Variants in WDPCP observed in about 807,000 individuals in gnomAD.
WDPCP encodes WD repeat containing planar cell polarity effector, also known as WD repeat-containing and planar cell polarity effector protein fritz homolog.
In WDPCP, 71 loss-of-function variants were observed where a neutral mutation model predicts 93.1. The ratio of observed to expected loss-of-function variants is 0.76; its 90% CI spans 0.63 to 0.93. WDPCP has a LOEUF of 0.93. Ranked by LOEUF, WDPCP falls within the 40% of genes least tolerant of loss-of-function variation. The pLI, the probability that WDPCP is intolerant of heterozygous loss-of-function variation, is 0.00. For missense variants in WDPCP, 844 were observed against 887.4 expected, an observed-to-expected ratio of 0.95 and a Z score of 0.62; for synonymous variants, 315 against 315.0, an observed-to-expected ratio of 1.00 and a Z score of 0.00.
intron 13 of WDPCP, among the ~76,000 whole-genome samples, chr2:63,265,550 G>T (rs1477273333): frequency 6.6e-6 from 1 of 152,112 alleles, no homozygotes; most frequent in Non-Finnish European, 1.5e-5. Context: ...GAAAAGCCCA[G>T]GATCTGATGG....
intron 12 of WDPCP, among the ~76,000 whole-genome samples, chr2:63,356,994 C>T (rs6718198): frequency 0.55 from 83,445 of 151,966 alleles, 23,260 homozygotes; most frequent in Admixed American, 0.63. Flanking sequence ...CATCTAACCT[C>T]CAACAAAGGA....
intron 6 of WDPCP, among the ~76,000 whole-genome samples, chr2:63,465,936 T>C (rs906280158): frequency 1.3e-5 from 2 of 152,174 alleles, no homozygotes; most frequent in South Asian, 2.1e-4. Context: ...TGTGTTTTCC[T>C]TGAGACTTTA....
At chr2:63,386,782 C>T (rs752145735) in intron 10 of WDPCP, among the ~76,000 whole-genome samples, 11 of 151,778 alleles carry the variant, frequency 7.2e-5, no homozygotes, top group East Asian at 1.9e-4. Flanking sequence ...ACAAACCAAA[C>T]GTCCATCAAT....
intron 3 of WDPCP, chr2:63,599,965 T>C (rs371923068): frequency 6.6e-6 from 1 of 152,418 alleles, no homozygotes; most frequent in South Asian, 2.1e-4. Flanking sequence ...CAGATCTAAC[T>C]GGTCCTGGTG....
At chr2:63,822,874 T>C (rs1344956620) in intron 1 of WDPCP, among the ~76,000 whole-genome samples, 3 of 150,862 alleles carry the variant, frequency 2.0e-5, no homozygotes, top group Admixed American at 6.6e-5. Context: ...ATATTTGATA[T>C]ATATATTTGG....
At chr2:63,771,849 T>C (rs926403006) in intron 2 of WDPCP, among the ~76,000 whole-genome samples, 1 of 152,072 alleles carries the variant, frequency 6.6e-6, no homozygotes, top group Non-Finnish European at 1.5e-5. Flanking sequence ...TCCAGCTGTA[T>C]CCATGTTGCT....
chr2:63,625,445 A>G (rs1709799402), intron 3 of WDPCP, among the ~76,000 whole-genome samples: 1 of 152,234 alleles, frequency 6.6e-6, no homozygotes, highest in African/African-American at 2.4e-5. Context: ...TCTGAGCCCA[A>G]CGTCTCCTTA....
chr2:63,761,219 A>C (rs1670050553), intron 2 of WDPCP, among the ~76,000 whole-genome samples: 1 of 152,102 alleles, frequency 6.6e-6, no homozygotes, highest in South Asian at 2.1e-4. Flanking sequence ...AAAAGGATGA[A>C]TTTGGTTCCC....
intron 2 of WDPCP, among the ~76,000 whole-genome samples, chr2:63,753,170 G>A (rs146898581): frequency 2.7e-4 from 41 of 152,130 alleles, no homozygotes; most frequent in Middle Eastern, 3.4e-3. Flanking sequence ...AGTGGCTCAC[G>A]CTTGTAATCC....
intron 2 of WDPCP, among the ~76,000 whole-genome samples, chr2:63,799,313 T>A (rs976835643): frequency 3.9e-5 from 6 of 152,178 alleles, no homozygotes; most frequent in Non-Finnish European, 5.9e-5. Context: ...CCATAGAAGA[T>A]AATTGGTATT....
intron 14 of WDPCP, among the ~76,000 whole-genome samples, chr2:63,230,650 C>G (rs1202825643): frequency 6.6e-6 from 1 of 152,130 alleles, no homozygotes; most frequent in East Asian, 1.9e-4. Context: ...GAGATGGTAT[C>G]TCATTGTGGT....
chr2:63,187,213 A>G (rs867355311), intron 14 of WDPCP, among the ~76,000 whole-genome samples: 2 of 152,146 alleles, frequency 1.3e-5, no homozygotes, highest in Admixed American at 6.5e-5. Context: ...TCTGCATAGC[A>G]TATCTTTTTT....
chr2:63,792,918 T>TA (rs980404519), intron 2 of WDPCP, among the ~76,000 whole-genome samples: 51 of 143,304 alleles, frequency 3.6e-4, no homozygotes, highest in East Asian at 1.6e-3. Context: ...AATAACAGTG[T>TA]AAAAAAAAAA....
intron 2 of WDPCP, among the ~76,000 whole-genome samples, chr2:63,787,341 A>G (rs1314982285): frequency 6.6e-6 from 1 of 151,268 alleles, no homozygotes; most frequent in African/African-American, 2.5e-5. Flanking sequence ...TTCCTACACC[A>G]TAAGCAAAGT....
intron 1 of WDPCP, among the ~76,000 whole-genome samples, chr2:63,507,194 C>G (rs762430788): frequency 6.6e-6 from 1 of 151,552 alleles, no homozygotes; most frequent in African/African-American, 2.4e-5. Context: ...AATCCCTGTG[C>G]ATATTATTGT....
chr2:63,703,883 C>CA (rs1407959148), intron 2 of WDPCP, among the ~76,000 whole-genome samples: 12 of 152,124 alleles, frequency 7.9e-5, no homozygotes, highest in African/African-American at 2.9e-4. Flanking sequence ...CTATAAATTA[C>CA]CTTGGGCAGT....
chr2:63,599,365 G>A (rs956440823), intron 3 of WDPCP: 14 of 1,474,044 alleles, frequency 9.5e-6, no homozygotes, highest in Non-Finnish European at 1.3e-5. Flanking sequence ...TAAAATAACT[G>A]AATCTGAGTT....
At chr2:63,259,267 AT>A in intron 14 of WDPCP, 39 bp downstream of exon 14, 1 of 1,509,304 alleles carries the variant, frequency 6.6e-7, no homozygotes, top group Non-Finnish European at 9.2e-7. Context: ...CTAACTATTG[AT>A]TAAAATAAAA....
At chr2:63,141,258 T>A (rs989425152) in intron 17 of WDPCP, among the ~76,000 whole-genome samples, 1 of 152,136 alleles carries the variant, frequency 6.6e-6, no homozygotes, top group Non-Finnish European at 1.5e-5. Context: ...TTTGTATTTT[T>A]AGTAGAGACA....
Sources: allele counts gnomAD v4.1 joint callset (sites outside exome capture counted in the v4.1 genomes callset), GRCh38; gene constraint gnomAD v4.1.1; transcripts MANE v1.5; gene names NCBI Gene and HGNC (gene_info 2026-07-23, HGNC 2026-07-21).